The following HTRA1 variants were observed in gnomAD, a reference collection of about 807,000 sequenced individuals.
The protein encoded by HTRA1 is HtrA serine peptidase 1.
A neutral mutation model predicts 49.7 loss-of-function variants in HTRA1; 26 were observed. The ratio of observed to expected loss-of-function variants is 0.52; its 90% confidence interval spans 0.38 to 0.73. The LOEUF is 0.73. Among genes scored for constraint, HTRA1 ranks in the 30% least tolerant of loss-of-function variants. The pLI, the probability that HTRA1 is intolerant of heterozygous loss-of-function variation, is 0.00. For synonymous variants in HTRA1, 291 were observed against 286.9 expected (o/e 1.01, Z -0.14); for missense variants, 561 against 667.2 (o/e 0.84, Z 1.75).
intron 1 of HTRA1, among the ~76,000 whole-genome samples, chr10:122,467,830 C>CT (rs2097484386): frequency 6.6e-6 from 1 of 151,936 alleles, no homozygotes; most frequent in Admixed American, 6.6e-5. Context: ...AGAAGTGTAG[C>CT]CATTCTGAAT....
intron 1 of HTRA1, among the ~76,000 whole-genome samples, chr10:122,465,676 T>C (rs1221738666): frequency 6.6e-6 from 1 of 152,116 alleles, no homozygotes; most frequent in Non-Finnish European, 1.5e-5. Flanking sequence ...CTCAGGAGCC[T>C]GAAGACAAGG....
chr10:122,486,893 T>C (rs552924526), intron 1 of HTRA1, among the ~76,000 whole-genome samples: 1 of 152,088 alleles, frequency 6.6e-6, no homozygotes, highest in Non-Finnish European at 1.5e-5. Context: ...TGTGGGTGTA[T>C]GTGTGGGTGT....
intron 3 of HTRA1, among the ~76,000 whole-genome samples, chr10:122,496,845 C>T (rs576078535): frequency 1.3e-5 from 2 of 152,232 alleles, no homozygotes; most frequent in South Asian, 4.2e-4. Flanking sequence ...TTATTAGAAC[C>T]CTCCAGAACA....
In HTRA1 at chr10:122,462,098, T is replaced by C. The variant is rs748995373; in HGVS notation, c.446T>C (p.Val149Ala). Reference protein sequence around the residue: ...SERLHRPPVIVLQRGACGQGQ... With the variant: ...SERLHRPPVIALQRGACGQGQ... ...AGGCTGCACCGGCCGCCGGTCATCGTCCTGCAGCGCGGAGCCTGCGGCCAA... is the reference window on the plus strand; with the variant it reads ...AGGCTGCACCGGCCGCCGGTCATCGCCCTGCAGCGCGGAGCCTGCGGCCAA... The change falls in exon 1 of 9, where the codon GTC becomes GCC. Residue 149 changes from valine (V) to alanine (A), a missense_variant. Val to Ala is a moderately conservative substitution (Grantham distance 64). Transcript: ENST00000368984. The C allele has an allele frequency of 2.0e-6, 3 of 1,533,954 alleles. No homozygotes were observed. The highest frequency in any genetic ancestry group is 4.9e-5 in the East Asian group (2 of 40,876).
rs142178987 is a variant in HTRA1 at position 122,501,445 on chromosome 10, A to G, written c.778-5246A>G. ...TGGACTTGTAGAGTCTTTTCTAAAC[A>G]TTGTTAGGTGCTTGTATTGGGATCC... On this transcript the variant is annotated intron_variant, in intron 3 of 8. Coordinates refer to ENST00000368984, the MANE Select transcript of HTRA1 (RefSeq NM_002775.5). 2.2e-3 allele frequency among the ~76,000 whole-genome samples: 331 copies of G among 152,286 alleles called. 4 individuals are homozygous for G. Among genetic ancestry groups the G allele is most frequent in the African/African-American group, 7.6e-3 (317 of 41,568 alleles).
At chr10:122,480,475 G>C (rs1302885465) in intron 1 of HTRA1, among the ~76,000 whole-genome samples, 2 of 152,192 alleles carry the variant, frequency 1.3e-5, no homozygotes, top group Non-Finnish European at 2.9e-5. Context: ...TGTGGGGAGA[G>C]AGCTGGCCTG....
At chr10:122,466,682 CG>C (rs1224205977) in intron 1 of HTRA1, among the ~76,000 whole-genome samples, 1 of 152,120 alleles carries the variant, frequency 6.6e-6, no homozygotes, top group Middle Eastern at 3.2e-3. Context: ...GCAGTTTGCT[CG>C]AGAGTCATTT....
chr10:122,485,938 C>T (rs931809945), intron 1 of HTRA1, among the ~76,000 whole-genome samples: 3 of 152,302 alleles, frequency 2.0e-5, no homozygotes, highest in Non-Finnish European at 4.4e-5. Flanking sequence ...AGCCCAGATG[C>T]GTTTGTTTAC....
Position 122,461,785 on chromosome 10 carries a change from C to T in HTRA1, c.133C>T (p.Arg45Cys), listed in dbSNP as rs1473219900. 1 of 1,048,342 alleles carries T rather than the reference C, an allele frequency of 9.5e-7. No homozygotes were observed. Among genetic ancestry groups the T allele is most frequent in the Non-Finnish European group, 1.1e-6 (1 of 872,712 alleles). The allele number at this position is 1,048,342 out of a possible 1,614,324, so 64.9% of individuals were successfully genotyped here. ...AGCPDRCEPARCPPQPEHCEG... is the reference protein window; with the variant it reads ...AGCPDRCEPACCPPQPEHCEG... ...GTGCCCAGACCGCTGCGAGCCGGCG[C>T]GCTGCCCGCCGCAGCCGGAGCACTG... The change falls in exon 1 of 9, where the codon CGC (arginine) becomes TGC (cysteine). Residue 45 changes from arginine to cysteine, a missense_variant. Physicochemically the swap from Arg to Cys is radical, Grantham distance 180 (BLOSUM62 -3). This residue lies in a region of HTRA1 where 111 missense variants were observed against 83.7 expected (regional missense o/e 1.33). Coordinates refer to ENST00000368984, the MANE Select transcript of HTRA1 (RefSeq NM_002775.5).
intron 1 of HTRA1, 73 bp downstream of exon 1, chr10:122,462,197 G>C: frequency 7.6e-7 from 1 of 1,311,194 alleles, no homozygotes. Context: ...CGGGACTGGT[G>C]GGCAGGTTGA....
chr10:122,474,770 G>A (rs1403872740), intron 1 of HTRA1, among the ~76,000 whole-genome samples: 3 of 152,042 alleles, frequency 2.0e-5, no homozygotes, highest in African/African-American at 7.3e-5. Flanking sequence ...AAAAAAAAAT[G>A]TGCAGTGGAA....
chr10:122,507,221 G>A (rs979148091), intron 4 of HTRA1, 149 bp from the exon 5 acceptor site: 10 of 726,150 alleles, frequency 1.4e-5, no homozygotes, highest in Middle Eastern at 2.4e-4. Flanking sequence ...ATTTTTTTCC[G>A]GCAAAATATT....
rs2097497492 is a variant in HTRA1, at chr10:122,494,316, C to G, written c.777+4690C>G. On this transcript the variant is annotated intron_variant, in intron 3 of 8. Transcript: ENST00000368984. This position sits in a 1 kb window ranked among gnomAD's most constrained non-coding sequence, Gnocchi z 4.0. ...TCACAGCTGTCTGCCCCGGAGGAAG[C>G]AAGGGCACCCGCCACATGGATGGAA... is the stretch of plus-strand genomic sequence containing the variant. 6.6e-6 allele frequency among the ~76,000 whole-genome samples: 1 copy of G among 152,086 alleles called. No individual in the cohort carries two copies. The highest frequency in any genetic ancestry group is 6.5e-5 in the Admixed American group (1 of 15,276).
chr10:122,472,528 T>C (rs982252189), intron 1 of HTRA1, among the ~76,000 whole-genome samples: 1 of 152,016 alleles, frequency 6.6e-6, no homozygotes, highest in African/African-American at 2.4e-5. Flanking sequence ...CCTCAGTAGC[T>C]GGGATTACAG....
Position 122,461,904 on chromosome 10 carries a change from C to A in HTRA1, c.252C>A (p.Gly84=), listed in dbSNP as rs1565404029. ...AACGLQEGPC[G]EGLQCVVPFG... is the part of the protein sequence containing the mutation. ...GCGGCCTGCAGGAGGGCCCGTGCGGCGAGGGGCTGCAGTGCGTGGTGCCCT... is the reference window on the plus strand; with the variant it reads ...GCGGCCTGCAGGAGGGCCCGTGCGGAGAGGGGCTGCAGTGCGTGGTGCCCT... The change falls in exon 1 of 9, where the codon GGC becomes GGA. Residue 84 remains glycine, a synonymous_variant. Coordinates refer to ENST00000368984, the MANE Select transcript of HTRA1 (RefSeq NM_002775.5). The A allele has an allele frequency of 7.1e-7, 1 of 1,400,566 alleles. No individual in the cohort carries two copies. The highest frequency in any genetic ancestry group is 9.2e-7 in the Non-Finnish European group (1 of 1,081,880). 86.8% of individuals were successfully genotyped at this position (1,400,566 alleles called of 1,614,324 possible). A position where few individuals can be genotyped will look rare whatever the true frequency, so the allele number is the denominator to read the frequency against.
At chr10:122,474,225 C>G (rs2097487436) in intron 1 of HTRA1, among the ~76,000 whole-genome samples, 1 of 152,194 alleles carries the variant, frequency 6.6e-6, no homozygotes, top group South Asian at 2.1e-4. Flanking sequence ...CTAGCCTACC[C>G]CCTCATCTTA....
Position 122,512,062 on chromosome 10 carries a change from A to T in HTRA1, c.1271A>T (p.Glu424Val). ...GAAGTAATTCCTGATACCCCAGCAGAAGCGTGAGTTGGAGTCGTTTTCTCT... is the reference window on the plus strand; with the variant it reads ...GAAGTAATTCCTGATACCCCAGCAGTAGCGTGAGTTGGAGTCGTTTTCTCT... ...IIEVIPDTPA[E>V]AGGLKENDVI... Residue 424 changes from glutamate to valine, a missense_variant, in exon 8 of 9, where the codon GAA becomes GTA. Coordinates refer to ENST00000368984, the MANE Select transcript of HTRA1 (RefSeq NM_002775.5). 6.2e-7 allele frequency: 1 copy of T among 1,604,248 alleles called. No individual in the cohort carries two copies.
intron 5 of HTRA1, among the ~76,000 whole-genome samples, chr10:122,508,251 G>C (rs2097504034): frequency 6.6e-6 from 1 of 152,198 alleles, no homozygotes; most frequent in Admixed American, 6.5e-5. Flanking sequence ...CTAAGCTCTA[G>C]GGTTGTTTCC....
At position 122,506,928 on chromosome 10, in the gene HTRA1, T is replaced by C. The variant is rs1272062601; in HGVS notation, c.972+43T>C. ...TGCGGGTGGGGATTGGGGCAGAGTTTTGCCAGGGGGAGAGGAGTCAGCATA... is the reference window on the plus strand; with the variant it reads ...TGCGGGTGGGGATTGGGGCAGAGTTCTGCCAGGGGGAGAGGAGTCAGCATA... On this transcript the variant is annotated intron_variant, in intron 4 of 8. Transcript: ENST00000368984. This position sits in a 1 kb window ranked among gnomAD's most constrained non-coding sequence, Gnocchi z 5.2. 1.3e-6 allele frequency: 2 copies of C among 1,567,510 alleles called. No homozygotes were observed. Among genetic ancestry groups the C allele is most frequent in the African/African-American group, 2.7e-5 (2 of 74,074 alleles).
Sources: gnomAD v4.1 joint callset for allele counts (sites outside exome capture counted in the v4.1 genomes callset) on GRCh38, gnomAD v4.1.1 for gene constraint, gnomAD v4.1.1 regional missense constraint, Gnocchi (gnomAD v3.1) non-coding constraint, MANE v1.5 for transcripts, NCBI Gene and HGNC (gene_info 2026-07-23, HGNC 2026-07-21) for gene names.